Variants in GNA14 observed in about 807,000 individuals in gnomAD.
The protein encoded by GNA14 is guanine nucleotide-binding protein subunit alpha-14.
A neutral mutation model predicts 42.0 loss-of-function variants in GNA14; 50 were observed. The observed-to-expected ratio is 1.19, with a 90% CI of 0.95 to 1.51. GNA14 has a LOEUF of 1.51. GNA14 is among the 40% of genes most tolerant of loss of function. GNA14 has a pLI of 0.00. For synonymous variants in GNA14, 173 were observed against 163.1 expected (o/e 1.06, Z -0.46); for missense variants, 473 against 446.2 (o/e 1.06, Z -0.54).
At chr9:77,528,127 T>C (rs1668007393) in intron 2 of GNA14, among the ~76,000 whole-genome samples, 1 of 152,104 alleles carries the variant, frequency 6.6e-6, no homozygotes, top group Non-Finnish European at 1.5e-5. Flanking sequence ...ACTGATTGCT[T>C]TAAAACTTTT....
chr9:77,431,931 CAGGCCG>C (rs976217682), intron 3 of GNA14, among the ~76,000 whole-genome samples: 5 of 152,134 alleles, frequency 3.3e-5, no homozygotes, highest in Non-Finnish European at 1.5e-5. Flanking sequence ...AGGCGTAAAA[CAGGCCG>C]AGGAGAAATT....
intron 2 of GNA14, among the ~76,000 whole-genome samples, chr9:77,473,913 G>T (rs1001797697): frequency 6.6e-6 from 1 of 152,120 alleles, no homozygotes; most frequent in Non-Finnish European, 1.5e-5. Flanking sequence ...AATGGGAAAA[G>T]ATTGTTCCAT....
At position 77,529,220 on chromosome 9, in the gene GNA14, T is replaced by C. The variant is rs1420052968; in HGVS notation, c.158A>G (p.Lys53Arg). 3 of 1,613,978 alleles carry C rather than the reference T, an allele frequency of 1.9e-6. No homozygotes were observed. Among genetic ancestry groups the C allele is most frequent in the Admixed American group, 1.7e-5 (1 of 59,992 alleles). Reference protein sequence around the residue: ...TGESGKSTFIKQMRIIHGSGY... With the variant: ...TGESGKSTFIRQMRIIHGSGY... ...AGACCCATGGATAATTCTCATCTGC[T>C]TGATAAAGGTGCTTTTCCCACTTTC... Residue 53 changes from lysine to arginine, a missense_variant, in exon 2 of 7, where the codon AAG becomes AGG. Physicochemically the swap from Lys to Arg is conservative, Grantham distance 26. Coordinates refer to ENST00000341700, the MANE Select transcript of GNA14 (RefSeq NM_004297.4).
chr9:77,631,424 G>C (rs1824098176), intron 1 of GNA14, among the ~76,000 whole-genome samples: 1 of 149,034 alleles, frequency 6.7e-6, no homozygotes, highest in South Asian at 2.1e-4. Flanking sequence ...CTGTATTCAG[G>C]AGACTGCTAG....
chr9:77,546,925 G>T (rs1837726147), intron 1 of GNA14, among the ~76,000 whole-genome samples: 1 of 152,162 alleles, frequency 6.6e-6, no homozygotes, highest in African/African-American at 2.4e-5. Flanking sequence ...CTGTCCTGAG[G>T]TAATTATCGA....
chr9:77,556,664 C>G (rs1239730012), intron 1 of GNA14, among the ~76,000 whole-genome samples: 1 of 152,106 alleles, frequency 6.6e-6, no homozygotes, highest in African/African-American at 2.4e-5. Context: ...TCCTAATCAA[C>G]CCCAGGTTTC....
At position 77,460,907 on chromosome 9, in the gene GNA14, G is replaced by A. The variant is rs184438716; in HGVS notation, c.310-26385C>T. Among the ~76,000 whole-genome samples the A allele has an allele frequency of 2.0e-5, 3 of 152,262 alleles. No individual in the cohort carries two copies. The East Asian group carries it at 5.8e-4, about 29-fold the overall frequency. On this transcript the variant is annotated intron_variant, in intron 2 of 6. Transcript: ENST00000341700. Reference sequence around the variant, plus strand: ...TATTTATAGCACCTCTCCCTTACAGGTCTCACCGAAAAACCAAACCAAATC... The same window carrying A: ...TATTTATAGCACCTCTCCCTTACAGATCTCACCGAAAAACCAAACCAAATC...
chr9:77,540,506 T>C (rs1837646336), intron 1 of GNA14, among the ~76,000 whole-genome samples: 1 of 152,180 alleles, frequency 6.6e-6, no homozygotes, highest in South Asian at 2.1e-4. Context: ...AAAGTCCAGA[T>C]TGAATCCAAT....
At chr9:77,641,877 C>G (rs985691829) in intron 1 of GNA14, among the ~76,000 whole-genome samples, 1 of 152,116 alleles carries the variant, frequency 6.6e-6, no homozygotes, top group African/African-American at 2.4e-5. Flanking sequence ...TAGAAAAACA[C>G]GCTTAAGAGT....
intron 4 of GNA14, among the ~76,000 whole-genome samples, chr9:77,430,932 A>G (rs866840150): frequency 2.6e-5 from 4 of 152,254 alleles, no homozygotes; most frequent in South Asian, 4.1e-4. Context: ...ATCTTGGAGA[A>G]GGAAATAGAG....
intron 1 of GNA14, among the ~76,000 whole-genome samples, chr9:77,624,040 A>G (rs1339070727): frequency 6.6e-6 from 1 of 152,116 alleles, no homozygotes; most frequent in Non-Finnish European, 1.5e-5. Context: ...CGCCACTAGC[A>G]CAGCAGTCTG....
At chr9:77,468,745 C>G (rs76353156) in intron 2 of GNA14, among the ~76,000 whole-genome samples, 9,427 of 152,206 alleles carry the variant, frequency 0.062, 352 homozygotes, top group East Asian at 0.14. Flanking sequence ...AGCCTTGTGA[C>G]GATCATAAAA....
chr9:77,504,359 A>G (rs1383571080), intron 2 of GNA14, among the ~76,000 whole-genome samples: 5 of 152,110 alleles, frequency 3.3e-5, no homozygotes, highest in African/African-American at 1.2e-4. Flanking sequence ...TCTGCTGTCT[A>G]CAGGGATTTA....
intron 1 of GNA14, among the ~76,000 whole-genome samples, chr9:77,645,354 A>G (rs567054566): frequency 6.6e-6 from 1 of 152,296 alleles, no homozygotes; most frequent in African/African-American, 2.4e-5. Context: ...AATTCCTGTC[A>G]CTTCTGAGTC....
At chr9:77,467,703 C>T (rs1836261332) in intron 2 of GNA14, among the ~76,000 whole-genome samples, 1 of 148,056 alleles carries the variant, frequency 6.8e-6, no homozygotes, top group South Asian at 2.1e-4. Flanking sequence ...TCTCCATTCC[C>T]ATTCTTCTGA....
chr9:77,578,389 T>A (rs886569972), intron 1 of GNA14, among the ~76,000 whole-genome samples: 1 of 152,230 alleles, frequency 6.6e-6, no homozygotes, highest in Non-Finnish European at 1.5e-5. Context: ...CACATAACTC[T>A]AGAAAACTCT....
At chr9:77,614,812 G>C (rs572376421) in intron 1 of GNA14, among the ~76,000 whole-genome samples, 1 of 152,190 alleles carries the variant, frequency 6.6e-6, no homozygotes, top group South Asian at 2.1e-4. Context: ...ATCATCCACT[G>C]CCTAGATTCT....
intron 2 of GNA14, among the ~76,000 whole-genome samples, chr9:77,504,549 AG>A (rs59657532): frequency 0.14 from 5,949 of 43,444 alleles, 220 homozygotes; most frequent in East Asian, 0.46. Context: ...AAAAAAAAAA[AG>A]AGAGAGAGAG....
intron 1 of GNA14, among the ~76,000 whole-genome samples, chr9:77,646,753 T>C (rs756964137): frequency 6.6e-6 from 1 of 152,212 alleles, no homozygotes; most frequent in Non-Finnish European, 1.5e-5. Flanking sequence ...AAAGGTAAAA[T>C]ATTCCTCAAA....
Sources: gnomAD v4.1 joint callset for allele counts (sites outside exome capture counted in the v4.1 genomes callset) on GRCh38, gnomAD v4.1.1 for gene constraint, MANE v1.5 for transcripts, NCBI Gene and HGNC (gene_info 2026-07-23, HGNC 2026-07-21) for gene names.